PAN3: variants seen among roughly 807,000 people sequenced by gnomAD.
The protein encoded by PAN3 is PAN2-PAN3 deadenylation complex subunit PAN3.
A neutral mutation model predicts 96.2 loss-of-function variants in PAN3; 19 were observed. The observed-to-expected ratio is 0.20, with a 90% CI of 0.14 to 0.29. The LOEUF is 0.29. PAN3 is among the 10% of genes least tolerant of loss of function. The pLI is 1.00. For missense variants in PAN3, 882 were observed against 1,108.1 expected, an observed-to-expected ratio of 0.80 and a Z score of 2.90; for synonymous variants, 433 against 406.6, an observed-to-expected ratio of 1.06 and a Z score of -0.78.
intron 1 of PAN3, 88 bp downstream of exon 1, chr13:28,139,175 G>C (rs111929105): frequency 8.1e-5 from 99 of 1,221,744 alleles, no homozygotes; most frequent in Admixed American, 1.3e-4. Flanking sequence ...AGCTGAGCAC[G>C]GCCCGCGGGC....
Position 28,149,311 on chromosome 13 carries a change from C to T in PAN3, c.430+10224C>T, listed in dbSNP as rs185099774. On this transcript the variant is annotated intron_variant, in intron 1 of 18. Coordinates refer to ENST00000380958, the MANE Select transcript of PAN3 (RefSeq NM_175854.8). ...CTAGGAGGTAGAGGATGCAGTGAGC[C>T]GTGATCATGCCACTGCCCTCCAGCA... Among the ~76,000 whole-genome samples the T allele has an allele frequency of 2.7e-4, 41 of 152,042 alleles. No individual in the cohort carries two copies. The East Asian group carries it at 7.4e-3, about 27-fold the overall frequency.
rs201016441 is a variant in PAN3 at position 28,220,607 on chromosome 13, C to CA, written c.1000+236dup. Among the ~76,000 whole-genome samples the CA allele has an allele frequency of 6.3e-3, 951 of 151,762 alleles. 12 individuals carry two copies. The highest frequency in any genetic ancestry group is 0.021 in the African/African-American group (859 of 41,340). Reference sequence around the variant, plus strand: ...TAAGAATTTTTATATATAAAACTCACAAAAAAATTTAAAGGGGAAATGGTT... The same window carrying CA: ...TAAGAATTTTTATATATAAAACTCACAAAAAAAATTTAAAGGGGAAATGGTT... On this transcript the variant is annotated intron_variant, in intron 6 of 18. Coordinates refer to ENST00000380958, the MANE Select transcript of PAN3 (RefSeq NM_175854.8).
chr13:28,270,142 T>C (rs1886493117), intron 12 of PAN3, among the ~76,000 whole-genome samples: 1 of 152,224 alleles, frequency 6.6e-6, no homozygotes, highest in African/African-American at 2.4e-5. Flanking sequence ...TTTCTACTGA[T>C]TTACAACATA....
At chr13:28,150,453 G>A (rs1421555359) in intron 1 of PAN3, among the ~76,000 whole-genome samples, 3 of 151,748 alleles carry the variant, frequency 2.0e-5, no homozygotes, top group Non-Finnish European at 2.9e-5. Context: ...GTGAAACCCC[G>A]TCTCTACTAA....
At chr13:28,153,952 A>G (rs1161630837) in intron 1 of PAN3, among the ~76,000 whole-genome samples, 1 of 152,226 alleles carries the variant, frequency 6.6e-6, no homozygotes, top group Non-Finnish European at 1.5e-5. Context: ...GAAAACAATA[A>G]TGGAAAACTT....
intron 1 of PAN3, among the ~76,000 whole-genome samples, chr13:28,143,935 A>G (rs1870209414): frequency 6.6e-6 from 1 of 152,162 alleles, no homozygotes. Flanking sequence ...AACCTATACT[A>G]AGTGACAGAG....
chr13:28,247,536 A>G (rs1272695847), intron 6 of PAN3, among the ~76,000 whole-genome samples: 3 of 152,126 alleles, frequency 2.0e-5, no homozygotes, highest in East Asian at 3.9e-4. Flanking sequence ...GGCTTTCCCA[A>G]TGTTTTTTTC....
At chr13:28,243,663 AT>A (rs1883889384) in intron 6 of PAN3, among the ~76,000 whole-genome samples, 1 of 151,772 alleles carries the variant, frequency 6.6e-6, no homozygotes, top group African/African-American at 2.4e-5. Flanking sequence ...GCCACTTTTA[AT>A]TTCTATCTCT....
intron 4 of PAN3, among the ~76,000 whole-genome samples, chr13:28,192,330 A>G (rs1267256800): frequency 3.3e-5 from 5 of 152,142 alleles, no homozygotes; most frequent in African/African-American, 9.7e-5. Context: ...AGCCTCCCAA[A>G]GTGCTGGGAT....
chr13:28,160,678 C>T (rs761178958), intron 1 of PAN3, among the ~76,000 whole-genome samples: 7 of 152,154 alleles, frequency 4.6e-5, no homozygotes, highest in Non-Finnish European at 1.0e-4. Context: ...ATAAACCTGT[C>T]AATAAGTAAC....
intron 9 of PAN3, among the ~76,000 whole-genome samples, chr13:28,262,544 A>T (rs1247546091): frequency 1.3e-5 from 2 of 152,294 alleles, no homozygotes; most frequent in Admixed American, 6.5e-5. Context: ...CCTTTGAAAT[A>T]TTCATCTTGG....
chr13:28,218,703 G>C (rs1881071112), intron 5 of PAN3, among the ~76,000 whole-genome samples: 2 of 152,106 alleles, frequency 1.3e-5, no homozygotes, highest in South Asian at 4.1e-4. Flanking sequence ...AATAAGGTTA[G>C]AGAAACTCAT....
chr13:28,192,022 C>T (rs930243122), intron 4 of PAN3, among the ~76,000 whole-genome samples: 8 of 151,732 alleles, frequency 5.3e-5, no homozygotes, highest in Middle Eastern at 3.4e-3. Context: ...CAGGCATGAG[C>T]CACTGTGCTT....
chr13:28,225,587 T>A (rs1347077181), intron 6 of PAN3, among the ~76,000 whole-genome samples: 1 of 152,162 alleles, frequency 6.6e-6, no homozygotes, highest in African/African-American at 2.4e-5. Flanking sequence ...AGTCTCTGCT[T>A]AGTCATTTAC....
intron 6 of PAN3, among the ~76,000 whole-genome samples, chr13:28,252,240 G>C (rs577377425): frequency 1.7e-4 from 23 of 134,026 alleles, no homozygotes; most frequent in Non-Finnish European, 3.3e-4. Context: ...ATGTTGGGAT[G>C]TTGTGTTTTA....
At chr13:28,269,560 A>G (rs530620101) in intron 12 of PAN3, among the ~76,000 whole-genome samples, 4 of 152,298 alleles carry the variant, frequency 2.6e-5, no homozygotes, top group South Asian at 2.1e-4. Flanking sequence ...GAATGAGTCT[A>G]TATCAGTAAA....
At chr13:28,238,073 C>T (rs1883266885) in intron 6 of PAN3, among the ~76,000 whole-genome samples, 1 of 152,148 alleles carries the variant, frequency 6.6e-6, no homozygotes, top group African/African-American at 2.4e-5. Flanking sequence ...ATTTACAAAA[C>T]CCCGAGGCAC....
At chr13:28,246,620 T>C (rs1884218121) in intron 6 of PAN3, among the ~76,000 whole-genome samples, 2 of 152,182 alleles carry the variant, frequency 1.3e-5, no homozygotes, top group Non-Finnish European at 2.9e-5. Context: ...CAGTCTTCTT[T>C]CTATCTCTAT....
chr13:28,186,366 G>A (rs947542293), intron 4 of PAN3, among the ~76,000 whole-genome samples: 4 of 152,078 alleles, frequency 2.6e-5, no homozygotes, highest in East Asian at 1.9e-4. Flanking sequence ...TGAGATAATA[G>A]GCAAGTTATT....
Sources: gnomAD v4.1 joint callset for allele counts (sites outside exome capture counted in the v4.1 genomes callset) on GRCh38, gnomAD v4.1.1 for gene constraint, MANE v1.5 for transcripts, NCBI Gene and HGNC (gene_info 2026-07-23, HGNC 2026-07-21) for gene names.